The following SUPT3H variants were observed in gnomAD, a reference collection of about 807,000 sequenced individuals.
The protein encoded by SUPT3H is SPT3 homolog, SAGA and STAGA complex component, also known as transcription initiation protein SPT3 homolog.
SUPT3H carries 44 observed loss-of-function variants against 44.3 expected under a neutral mutation model. That is an observed-to-expected ratio of 0.99 (90% CI 0.78 to 1.28). The LOEUF (loss-of-function observed/expected upper bound fraction) is 1.28, where lower values mean the gene tolerates loss of function less well. Among genes scored for constraint, SUPT3H ranks in the 50% most tolerant of loss-of-function variants. The pLI, the probability that SUPT3H is intolerant of heterozygous loss-of-function variation, is 0.00. For synonymous variants in SUPT3H, 124 were observed against 125.6 expected, an observed-to-expected ratio of 0.99 and a Z score of 0.09; for missense variants, 380 against 387.1, an observed-to-expected ratio of 0.98 and a Z score of 0.15.
At chr6:44,915,794 C>T (rs1235357255) in intron 10 of SUPT3H, among the ~76,000 whole-genome samples, 1 of 152,126 alleles carries the variant, frequency 6.6e-6, no homozygotes, top group African/African-American at 2.4e-5. Flanking sequence ...GACCCCTCCC[C>T]ACTTCAAGGT....
At chr6:44,886,948 A>G (rs182467771) in intron 10 of SUPT3H, among the ~76,000 whole-genome samples, 2 of 152,326 alleles carry the variant, frequency 1.3e-5, no homozygotes, top group East Asian at 3.9e-4. Flanking sequence ...GGAAAACAAA[A>G]AAAGGCAGGG....
At chr6:45,300,566 C>G (rs1038307431) in intron 2 of SUPT3H, among the ~76,000 whole-genome samples, 2 of 152,154 alleles carry the variant, frequency 1.3e-5, no homozygotes, top group African/African-American at 4.8e-5. Context: ...AATTCTACTC[C>G]TTGGTGTTAC....
intron 2 of SUPT3H, among the ~76,000 whole-genome samples, chr6:45,283,884 GTC>G (rs1778666124): frequency 6.6e-6 from 1 of 152,124 alleles, no homozygotes; most frequent in Non-Finnish European, 1.5e-5. Context: ...ATAACAAACT[GTC>G]TCTCAGACCA....
At chr6:45,250,629 T>A (rs1772201546) in intron 2 of SUPT3H, among the ~76,000 whole-genome samples, 1 of 151,498 alleles carries the variant, frequency 6.6e-6, no homozygotes, top group African/African-American at 2.4e-5. Flanking sequence ...GAGAAAAAAA[T>A]TATCAAAGAA....
At chr6:44,851,981 C>A (rs1772968963) in intron 10 of SUPT3H, among the ~76,000 whole-genome samples, 1 of 152,046 alleles carries the variant, frequency 6.6e-6, no homozygotes, top group African/African-American at 2.4e-5. Context: ...TAAGAGGGGC[C>A]CCATTGGCGT....
intron 11 of SUPT3H, among the ~76,000 whole-genome samples, chr6:44,819,341 C>A (rs954853372): frequency 2.0e-5 from 3 of 151,960 alleles, no homozygotes; most frequent in African/African-American, 4.8e-5. Flanking sequence ...AATCATGTTA[C>A]AAAGGAACAT....
At chr6:44,848,992 C>G (rs1035101184) in intron 10 of SUPT3H, among the ~76,000 whole-genome samples, 7 of 152,126 alleles carry the variant, frequency 4.6e-5, no homozygotes, top group African/African-American at 1.4e-4. Flanking sequence ...AAAACACTAC[C>G]TTATAACTTT....
intron 3 of SUPT3H, among the ~76,000 whole-genome samples, chr6:45,052,067 T>C (rs1790384035): frequency 6.6e-6 from 1 of 152,132 alleles, no homozygotes; most frequent in Non-Finnish European, 1.5e-5. Flanking sequence ...AGCCAGACAA[T>C]AAAATCTTTT....
At chr6:45,162,144 A>G (rs1263978303) in intron 2 of SUPT3H, among the ~76,000 whole-genome samples, 1 of 152,098 alleles carries the variant, frequency 6.6e-6, no homozygotes, top group East Asian at 1.9e-4. Flanking sequence ...TCTTTGCCCC[A>G]TAGATTTACC....
intron 2 of SUPT3H, among the ~76,000 whole-genome samples, chr6:45,355,584 G>C (rs1047148668): frequency 2.0e-5 from 3 of 151,952 alleles, no homozygotes; most frequent in Non-Finnish European, 4.4e-5. Flanking sequence ...CTCAGATGTA[G>C]CATTATTTTT....
At chr6:45,180,400 A>G (rs1189066513) in intron 2 of SUPT3H, among the ~76,000 whole-genome samples, 14 of 150,412 alleles carry the variant, frequency 9.3e-5, no homozygotes, top group East Asian at 7.8e-4. Context: ...AAAAGAGCCC[A>G]CATCGCCAAG....
chr6:44,962,627 C>T (rs1776189999), intron 6 of SUPT3H, among the ~76,000 whole-genome samples: 1 of 151,318 alleles, frequency 6.6e-6, no homozygotes, highest in Admixed American at 6.6e-5. Flanking sequence ...TTACCTTTAC[C>T]ATCGTTGTCA....
At chr6:45,107,220 A>T (rs1187765471) in intron 2 of SUPT3H, among the ~76,000 whole-genome samples, 1 of 152,202 alleles carries the variant, frequency 6.6e-6, no homozygotes, top group Non-Finnish European at 1.5e-5. Flanking sequence ...ACAAAACCAA[A>T]GTCAGACAAG....
At chr6:44,963,446 C>T (rs1185662496) in intron 6 of SUPT3H, among the ~76,000 whole-genome samples, 6 of 152,096 alleles carry the variant, frequency 3.9e-5, no homozygotes. Context: ...GCTGAGATCA[C>T]GCCACTGCAC....
At chr6:45,193,286 A>C (rs1335778978) in intron 2 of SUPT3H, among the ~76,000 whole-genome samples, 2 of 152,206 alleles carry the variant, frequency 1.3e-5, no homozygotes, top group Non-Finnish European at 1.5e-5. Flanking sequence ...CTATTTATAA[A>C]TAGGCCATGA....
intron 3 of SUPT3H, among the ~76,000 whole-genome samples, chr6:45,043,568 G>T (rs9472429): frequency 0.97 from 147,772 of 152,244 alleles, 71,743 homozygotes; most frequent in East Asian, 1. Context: ...TATTCTACAC[G>T]CAGACACAAT....
At chr6:45,071,669 CCTACTGAGAACATTGATCTGT>C (rs757702914) in intron 3 of SUPT3H, among the ~76,000 whole-genome samples, 6,499 of 152,206 alleles carry the variant, frequency 0.043, 179 homozygotes, top group Admixed American at 0.078. Context: ...GGACTAGAGT[CCTACTGAGAACATTGATCTGT>C]CCAAAATGAG....
intron 3 of SUPT3H, among the ~76,000 whole-genome samples, chr6:45,027,179 C>G (rs936602136): frequency 1.3e-5 from 2 of 151,730 alleles, no homozygotes; most frequent in Admixed American, 6.6e-5. Context: ...TTTGCAGAGA[C>G]AGGGTTCTGC....
intron 2 of SUPT3H, among the ~76,000 whole-genome samples, chr6:45,152,854 A>T (rs1161356560): frequency 6.6e-6 from 1 of 152,208 alleles, no homozygotes; most frequent in East Asian, 1.9e-4. Flanking sequence ...TAAGTAAAAA[A>T]ATATATATAC....
Sources: gnomAD v4.1 joint callset for allele counts (sites outside exome capture counted in the v4.1 genomes callset) on GRCh38, gnomAD v4.1.1 for gene constraint, MANE v1.5 for transcripts, NCBI Gene and HGNC (gene_info 2026-07-23, HGNC 2026-07-21) for gene names.